The following IGF1R variants were observed in gnomAD, a reference collection of about 807,000 sequenced individuals.
The protein encoded by IGF1R is insulin-like growth factor 1 receptor.
In IGF1R, 44 loss-of-function variants were observed where a neutral mutation model predicts 144.6. That is an observed-to-expected ratio of 0.30 (90% CI 0.24 to 0.39). The LOEUF is 0.39. Among genes scored for constraint, IGF1R ranks in the 10% least tolerant of loss-of-function variants. The pLI, the probability that IGF1R is intolerant of heterozygous loss-of-function variation, is 1.00. For synonymous variants in IGF1R, 795 were observed against 722.8 expected (o/e 1.10, Z -1.60); for missense variants, 1,355 against 1,833.7 (o/e 0.74, Z 4.77).
At position 98,866,726 on chromosome 15, in the gene IGF1R, T is replaced by G. The variant is rs564805733; in HGVS notation, c.641-24599T>G. Among the ~76,000 whole-genome samples, 4 of 152,320 alleles carry G rather than the reference T, an allele frequency of 2.6e-5. No homozygotes were observed. The South Asian group carries it at 8.3e-4, about 32-fold the overall frequency. On this transcript the variant is annotated intron_variant, in intron 2 of 20. Coordinates refer to ENST00000650285, the MANE Select transcript of IGF1R (RefSeq NM_000875.5). ...GATGAGAGGAAGCGCTGGCGGTCGT[T>G]TCGGCAGCTTAATGAAACCAGAAAT...
Position 98,701,586 on chromosome 15 carries a change from G to A in IGF1R, c.95-5976G>A, listed in dbSNP as rs376401846. On this transcript the variant is annotated intron_variant, in intron 1 of 20. Coordinates refer to ENST00000650285, the MANE Select transcript of IGF1R (RefSeq NM_000875.5). ...TGATCTTCTGACCCGTGATCCTACCGCCTCGGCCTCCCACAGTGCTGGTAT... is the reference window on the plus strand; with the variant it reads ...TGATCTTCTGACCCGTGATCCTACCACCTCGGCCTCCCACAGTGCTGGTAT... Among the ~76,000 whole-genome samples, 229 of 152,084 alleles carry A rather than the reference G, an allele frequency of 1.5e-3. 4 individuals are homozygous for A. The South Asian group carries it at 0.016, about 11-fold the overall frequency.
intron 20 of IGF1R, among the ~76,000 whole-genome samples, chr15:98,956,309 C>T (rs1241991722): frequency 7.2e-5 from 11 of 152,250 alleles, no homozygotes; most frequent in Non-Finnish European, 1.2e-4. Flanking sequence ...CTGTCCCTTG[C>T]GTGTGGAGGG....
chr15:98,848,656 GAA>G (rs1159867169), intron 2 of IGF1R, among the ~76,000 whole-genome samples: 2 of 146,604 alleles, frequency 1.4e-5, no homozygotes, highest in Non-Finnish European at 3.1e-5. Flanking sequence ...TGCCAACTCA[GAA>G]TGTATTGCTT....
intron 1 of IGF1R, among the ~76,000 whole-genome samples, chr15:98,688,753 T>C (rs769534787): frequency 1.3e-5 from 2 of 152,190 alleles, no homozygotes; most frequent in Non-Finnish European, 2.9e-5. Context: ...TAGATGGGGT[T>C]CAGAGGGCCT....
chr15:98,807,384 C>T lies in IGF1R; in HGVS notation c.641-83941C>T, dbSNP rs186023493. On this transcript the variant is annotated intron_variant, in intron 2 of 20. Transcript: ENST00000650285. ...TTGGTAGTAACCATGTAAGTTCGGG[C>T]AGCTTTCTAGAAACTTTCCTTGTTG... 4.6e-5 allele frequency among the ~76,000 whole-genome samples: 7 copies of T among 152,304 alleles called. No individual in the cohort carries two copies. The East Asian group carries it at 1.4e-3, about 29-fold the overall frequency.
At chr15:98,650,194 A>AGG (rs1255726777) in intron 1 of IGF1R, among the ~76,000 whole-genome samples, 1 of 151,916 alleles carries the variant, frequency 6.6e-6, no homozygotes, top group African/African-American at 2.4e-5. Context: ...GTTGCCCTCG[A>AGG]GGGGGGAGGT....
chr15:98,949,033 T>G (rs1390327995), intron 20 of IGF1R, among the ~76,000 whole-genome samples: 1 of 152,122 alleles, frequency 6.6e-6, no homozygotes, highest in Non-Finnish European at 1.5e-5. Flanking sequence ...CATGTGAGGT[T>G]TTTGTTTCTT....
At chr15:98,827,823 C>T (rs952753858) in intron 2 of IGF1R, among the ~76,000 whole-genome samples, 3 of 152,194 alleles carry the variant, frequency 2.0e-5, no homozygotes, top group African/African-American at 7.2e-5. Context: ...CGTCATGATC[C>T]ACCTGCCTCG....
intron 2 of IGF1R, among the ~76,000 whole-genome samples, chr15:98,887,585 C>T (rs1183048632): frequency 1.3e-5 from 2 of 152,160 alleles, no homozygotes; most frequent in Non-Finnish European, 2.9e-5. Flanking sequence ...TCAGAGTTTC[C>T]TTCCTCTAAT....
intron 5 of IGF1R, among the ~76,000 whole-genome samples, chr15:98,902,825 A>T (rs1269097041): frequency 2.6e-5 from 4 of 152,230 alleles, no homozygotes; most frequent in Non-Finnish European, 4.4e-5. Flanking sequence ...GAACAATTCA[A>T]GGTACAGAGA....
intron 2 of IGF1R, among the ~76,000 whole-genome samples, chr15:98,764,059 G>A (rs1596281378): frequency 6.6e-6 from 1 of 152,192 alleles, no homozygotes; most frequent in Non-Finnish European, 1.5e-5. Flanking sequence ...CATGGCATCC[G>A]ATTTGTTCTT....
intron 2 of IGF1R, among the ~76,000 whole-genome samples, chr15:98,809,355 G>A (rs1362715357): frequency 6.6e-6 from 1 of 152,216 alleles, no homozygotes; most frequent in African/African-American, 2.4e-5. Context: ...GGTCTTGAGA[G>A]CCTGCAAGGG....
At chr15:98,846,654 G>A (rs986596092) in intron 2 of IGF1R, among the ~76,000 whole-genome samples, 1 of 152,152 alleles carries the variant, frequency 6.6e-6, no homozygotes, top group Non-Finnish European at 1.5e-5. Flanking sequence ...TGACACAGTG[G>A]AGAACAGGGC....
intron 20 of IGF1R, among the ~76,000 whole-genome samples, chr15:98,951,693 C>G (rs1319480140): frequency 1.3e-5 from 2 of 152,222 alleles, no homozygotes; most frequent in African/African-American, 2.4e-5. Context: ...GTATGCCCTG[C>G]ATGAATCGCC....
At chr15:98,729,172 AC>A (rs2054437714) in intron 2 of IGF1R, among the ~76,000 whole-genome samples, 1 of 152,200 alleles carries the variant, frequency 6.6e-6, no homozygotes, top group Admixed American at 6.6e-5. Flanking sequence ...TGGAATTCTC[AC>A]TACAACAGCT....
chr15:98,775,224 G>C (rs1453465240), intron 2 of IGF1R, among the ~76,000 whole-genome samples: 1 of 152,130 alleles, frequency 6.6e-6, no homozygotes, highest in Non-Finnish European at 1.5e-5. Flanking sequence ...CCATTGCCTC[G>C]TTCCCCCCAC....
intron 18 of IGF1R, among the ~76,000 whole-genome samples, chr15:98,942,300 AT>A (rs1481784216): frequency 6.6e-6 from 1 of 152,026 alleles, no homozygotes; most frequent in African/African-American, 2.4e-5. Flanking sequence ...ATTTTCTTAA[AT>A]TGTGGGACTC....
intron 2 of IGF1R, among the ~76,000 whole-genome samples, chr15:98,823,033 G>T (rs994164080): frequency 6.6e-6 from 1 of 152,204 alleles, no homozygotes; most frequent in African/African-American, 2.4e-5. Flanking sequence ...TCAAAGCTTA[G>T]CAGCCACCTT....
intron 2 of IGF1R, among the ~76,000 whole-genome samples, chr15:98,875,352 T>TTC (rs1555455574): frequency 6.7e-6 from 1 of 149,038 alleles, no homozygotes; most frequent in Admixed American, 6.6e-5. Context: ...TTCTTTTCTT[T>TTC]TTTTTTTTTT....
Sources: gnomAD v4.1 joint callset for allele counts (sites outside exome capture counted in the v4.1 genomes callset) on GRCh38, gnomAD v4.1.1 for gene constraint, MANE v1.5 for transcripts, NCBI Gene and HGNC (gene_info 2026-07-23, HGNC 2026-07-21) for gene names.